RNGTT: variants seen among roughly 807,000 people sequenced by gnomAD.
RNGTT encodes RNA guanylyltransferase and 5'-phosphatase.
Under a neutral mutation model 79.3 loss-of-function variants are expected in RNGTT, and 33 were observed. The observed-to-expected ratio is 0.42, with a 90% CI of 0.32 to 0.56. The LOEUF is 0.56. Ranked by LOEUF, RNGTT falls within the 20% of genes least tolerant of loss-of-function variation. The pLI is 0.17. For missense variants in RNGTT, 497 were observed against 739.1 expected, an observed-to-expected ratio of 0.67 and a Z score of 3.80; for synonymous variants, 222 against 235.9, an observed-to-expected ratio of 0.94 and a Z score of 0.54.
intron 14 of RNGTT, among the ~76,000 whole-genome samples, chr6:88,635,921 C>A (rs1425141055): frequency 6.6e-6 from 1 of 152,044 alleles, no homozygotes; most frequent in Non-Finnish European, 1.5e-5. Context: ...GTTTGCTAGT[C>A]ATGGAGGGTT....
At chr6:88,948,883 T>C (rs1364311470) in intron 1 of RNGTT, among the ~76,000 whole-genome samples, 14 of 91,126 alleles carry the variant, frequency 1.5e-4, no homozygotes, top group African/African-American at 6.1e-4. Flanking sequence ...CGGTGCAAGA[T>C]GTGCTTTGTT....
At chr6:88,885,063 CACAT>C (rs1389168302) in intron 8 of RNGTT, among the ~76,000 whole-genome samples, 3 of 151,862 alleles carry the variant, frequency 2.0e-5, no homozygotes, top group African/African-American at 7.3e-5. Context: ...TGTATGCATA[CACAT>C]ACATACAGAC....
chr6:88,753,542 TAGAA>T lies in RNGTT; in HGVS notation c.1439+16228_1439+16231del, dbSNP rs1777909008. On this transcript the variant is annotated intron_variant, in intron 13 of 15. Transcript: ENST00000369485. The stretch of plus-strand genomic sequence containing the variant: ...AATTATATAAAACTACTTGAACTGA[TAGAA>T]AAGTTCTGAAAAAGGAATAAAGCTG... Among the ~76,000 whole-genome samples the T allele has an allele frequency of 2.6e-5, 4 of 151,714 alleles. No individual in the cohort carries two copies. In the South Asian group the frequency reaches 8.3e-4, roughly 31 times the overall value.
At chr6:88,871,220 A>G (rs114106585) in intron 8 of RNGTT, among the ~76,000 whole-genome samples, 511 of 152,316 alleles carry the variant, frequency 3.4e-3, no homozygotes, top group African/African-American at 0.012. Context: ...TGGTATTCTT[A>G]TAAAAGCAAA....
rs1255515569 is a variant in RNGTT, at chr6:88,611,781, C to A, written c.*938G>T. 2 of 152,632 alleles carry A rather than the reference C, an allele frequency of 1.3e-5. No homozygotes were observed. Among genetic ancestry groups the A allele is most frequent in the Non-Finnish European group, 2.9e-5 (2 of 68,042 alleles). 9.5% of individuals were successfully genotyped at this position (152,632 alleles called of 1,614,324 possible). On this transcript the variant is annotated 3_prime_UTR_variant, in exon 16 of 16. Coordinates refer to ENST00000369485, the MANE Select transcript of RNGTT (RefSeq NM_003800.5). ...AATCAAAGAAGTTAGCTGGCATTCC[C>A]TTTGCTGTTTTGTTCGAGAGAAGGA...
chr6:88,813,218 C>T (rs924023868), intron 11 of RNGTT, among the ~76,000 whole-genome samples: 5 of 152,154 alleles, frequency 3.3e-5, no homozygotes, highest in East Asian at 1.9e-4. Flanking sequence ...TTGCACAGAA[C>T]GAACTTGCCG....
At chr6:88,836,701 C>T (rs1781092755) in intron 11 of RNGTT, among the ~76,000 whole-genome samples, 1 of 152,054 alleles carries the variant, frequency 6.6e-6, no homozygotes, top group Admixed American at 6.5e-5. Context: ...GTCATCAAAC[C>T]ACTCCACTCC....
chr6:88,804,252 A>G (rs1779885703), intron 11 of RNGTT, among the ~76,000 whole-genome samples: 1 of 152,236 alleles, frequency 6.6e-6, no homozygotes, highest in Non-Finnish European at 1.5e-5. Flanking sequence ...ACTAAAAATA[A>G]AGAGATAACT....
chr6:88,644,785 T>A (rs909766486), intron 14 of RNGTT, among the ~76,000 whole-genome samples: 8 of 152,166 alleles, frequency 5.3e-5, no homozygotes, highest in Non-Finnish European at 1.0e-4. Flanking sequence ...AGAAAAGGCC[T>A]TTGACAAAAT....
At chr6:88,928,920 C>T in intron 4 of RNGTT, 65 bp downstream of exon 4, 1 of 1,243,542 alleles carries the variant, frequency 8.0e-7, no homozygotes, top group Non-Finnish European at 1.1e-6. Context: ...TATTTGCAAA[C>T]AAGAAAACAG....
rs114295954 is a variant in RNGTT, at chr6:88,619,235, A to T, written c.1507-4840T>A. Among the ~76,000 whole-genome samples the T allele has an allele frequency of 4.4e-3, 660 of 151,650 alleles. 2 individuals are homozygous for T. Among genetic ancestry groups the T allele is most frequent in the African/African-American group, 0.015 (624 of 41,324 alleles). On this transcript the variant is annotated intron_variant, in intron 14 of 15. Transcript: ENST00000369485. ...GGTTGGAGTGCAGTGGTGCGGTCAC[A>T]GCTCACTGCAGCCTCAACTTCCTTG...
At chr6:88,668,168 A>ATCC (rs1774490591) in intron 14 of RNGTT, among the ~76,000 whole-genome samples, 1 of 152,118 alleles carries the variant, frequency 6.6e-6, no homozygotes, top group South Asian at 2.1e-4. Context: ...CAAAGACTGG[A>ATCC]ACATAGCCCC....
intron 1 of RNGTT, among the ~76,000 whole-genome samples, chr6:88,946,339 G>A (rs1050956115): frequency 1.3e-5 from 2 of 152,170 alleles, no homozygotes; most frequent in African/African-American, 2.4e-5. Flanking sequence ...AATGCTGTAT[G>A]TGTTCTCACT....
chr6:88,939,512 T>TTGTATTGCTTTTCAGTATTC (rs1373401160), intron 2 of RNGTT, among the ~76,000 whole-genome samples: 1 of 152,160 alleles, frequency 6.6e-6, no homozygotes, highest in Non-Finnish European at 1.5e-5. Flanking sequence ...TTTTTCTGAT[T>TTGTATTGCTTTTCAGTATTC]TGTATTGCTT....
chr6:88,801,506 G>T (rs1001271977), intron 12 of RNGTT, 58 bp downstream of exon 12: 139 of 1,326,536 alleles, frequency 1.0e-4, no homozygotes, highest in Non-Finnish European at 1.4e-4. Context: ...ATGTATATCT[G>T]TGTACACACA....
chr6:88,752,014 C>T (rs1485681691), intron 13 of RNGTT, among the ~76,000 whole-genome samples: 1 of 151,974 alleles, frequency 6.6e-6, no homozygotes, highest in African/African-American at 2.4e-5. Context: ...TCCATACCCT[C>T]CCCCCATATT....
chr6:88,925,520 C>A (rs1784291561), intron 4 of RNGTT, among the ~76,000 whole-genome samples: 1 of 150,672 alleles, frequency 6.6e-6, no homozygotes, highest in East Asian at 1.9e-4. Flanking sequence ...TTGAGCCCTG[C>A]AGACAGAGGT....
chr6:88,688,399 A>G (rs1371004500), intron 13 of RNGTT, among the ~76,000 whole-genome samples: 4 of 152,214 alleles, frequency 2.6e-5, no homozygotes, highest in Admixed American at 1.3e-4. Flanking sequence ...AGTATATGAT[A>G]CATTCCTAGC....
chr6:88,675,756 C>T (rs1236683636), intron 14 of RNGTT, among the ~76,000 whole-genome samples: 1 of 149,328 alleles, frequency 6.7e-6, no homozygotes, highest in Non-Finnish European at 1.5e-5. Flanking sequence ...ATTAAACAAT[C>T]AGAAATTAAA....
Sources: gnomAD v4.1 joint callset for allele counts (sites outside exome capture counted in the v4.1 genomes callset) on GRCh38, gnomAD v4.1.1 for gene constraint, MANE v1.5 for transcripts, NCBI Gene and HGNC (gene_info 2026-07-23, HGNC 2026-07-21) for gene names.